RNF115: variants seen among roughly 807,000 people sequenced by gnomAD.
RNF115 encodes the protein E3 ubiquitin-protein ligase RNF115.
In RNF115, 31 loss-of-function variants were observed where a neutral mutation model predicts 39.2. The ratio of observed to expected loss-of-function variants is 0.79; its 90% CI spans 0.59 to 1.07. The LOEUF (loss-of-function observed/expected upper bound fraction) is 1.07, where lower values mean the gene tolerates loss of function less well. Ranked by LOEUF, RNF115 falls within the 50% of genes least tolerant of loss-of-function variation. RNF115 has a pLI of 0.00. For synonymous variants in RNF115, 124 were observed against 131.0 expected, an observed-to-expected ratio of 0.95 and a Z score of 0.37; for missense variants, 384 against 381.7, an observed-to-expected ratio of 1.01 and a Z score of -0.05.
chr1:145,752,157 TAATTTCTCAG>T (rs1247886636), intron 5 of RNF115, among the ~76,000 whole-genome samples: 2 of 152,142 alleles, frequency 1.3e-5, no homozygotes, highest in Non-Finnish European at 2.9e-5. Flanking sequence ...AAGCAGCAAA[TAATTTCTCAG>T]ACAAGAAGAA....
At position 145,824,092 on chromosome 1, in the gene RNF115, A is replaced by G. The variant is rs903882829; in HGVS notation, c.-219T>C. The stretch of plus-strand genomic sequence containing the variant: ...AGCACCAAAGAGGCGCAGGAAGGAG[A>G]GACAAACGGCCCGCCCGCCGGCTCC... On this transcript the variant is annotated 5_prime_UTR_variant, in exon 1 of 9. Transcript: ENST00000582693. 5.0e-5 allele frequency: 23 copies of G among 462,932 alleles called. No homozygotes were observed. In the East Asian group the frequency reaches 8.3e-4, roughly 17 times the overall value. The allele number at this position is 462,932 out of a possible 1,614,324, so 28.7% of individuals were successfully genotyped here.
At position 145,750,698 on chromosome 1, in the gene RNF115, G is replaced by A. The variant is rs587614880; in HGVS notation, c.574-198C>T. 3.9e-5 allele frequency among the ~76,000 whole-genome samples: 6 copies of A among 152,272 alleles called. No individual in the cohort carries two copies. In the East Asian group the frequency reaches 5.8e-4, roughly 15 times the overall value. ...AATTGCTTTACAATTTCAGAGTGAC[G>A]TTCGTATAAGCCTACAGACAAACCC... On this transcript the variant is annotated intron_variant, in intron 6 of 8. Transcript: ENST00000582693.
intron 7 of RNF115, among the ~76,000 whole-genome samples, chr1:145,749,022 A>G (rs1406058000): frequency 2.0e-5 from 3 of 152,218 alleles, no homozygotes; most frequent in African/African-American, 7.2e-5. Flanking sequence ...ATCAAGAGAC[A>G]GAAAGCCCTC....
At chr1:145,762,285 G>A (rs782733029) in intron 4 of RNF115, among the ~76,000 whole-genome samples, 4 of 152,302 alleles carry the variant, frequency 2.6e-5, no homozygotes, top group South Asian at 4.1e-4. Flanking sequence ...GAGATTTGGA[G>A]GGGCCAGGGG....
chr1:145,778,959 C>T (rs1648000396), intron 3 of RNF115, among the ~76,000 whole-genome samples: 1 of 152,132 alleles, frequency 6.6e-6, no homozygotes, highest in South Asian at 2.1e-4. Context: ...CTTAGGATGT[C>T]CATTTGACCA....
chr1:145,809,297 C>T (rs1276367293), intron 1 of RNF115, among the ~76,000 whole-genome samples: 3 of 151,252 alleles, frequency 2.0e-5, no homozygotes, highest in African/African-American at 2.4e-5. Flanking sequence ...AGTGGTTATC[C>T]TCCCTCAGCC....
At position 145,745,149 on chromosome 1, in the gene RNF115, C is replaced by T. The variant is rs1316326667; in HGVS notation, c.*1717G>A. 6.6e-6 allele frequency: 1 copy of T among 152,078 alleles called. No homozygotes were observed. Among genetic ancestry groups the T allele is most frequent in the Non-Finnish European group, 1.5e-5 (1 of 68,016 alleles). 9.4% of individuals were successfully genotyped at this position (152,078 alleles called of 1,614,324 possible). The stretch of plus-strand genomic sequence containing the variant: ...ACTTACTGTCTCTATTTCTGTGAGG[C>T]AAATTATTTTAAGATTACTAGGAAA... On this transcript the variant is annotated 3_prime_UTR_variant, in exon 9 of 9. Coordinates refer to ENST00000582693, the MANE Select transcript of RNF115 (RefSeq NM_014455.4).
intron 1 of RNF115, 58 bp downstream of exon 1, chr1:145,823,714 G>C (rs144773990): frequency 1.5e-6 from 2 of 1,328,856 alleles, no homozygotes; most frequent in South Asian, 2.6e-5. Context: ...CCCAGTTCCG[G>C]GAAATCGGGG....
rs587725861 is a variant in RNF115 at position 145,802,168 on chromosome 1, G to C, written c.103-13202C>G. 3.3e-5 allele frequency among the ~76,000 whole-genome samples: 5 copies of C among 152,204 alleles called. No homozygotes were observed. In the South Asian group the frequency reaches 1.0e-3, roughly 32 times the overall value. Reference sequence around the variant, plus strand: ...ACTTACCTAGAATCACTGGAAACAGGAACCCAACTGTTTCCACCAAACTAA... The same window carrying C: ...ACTTACCTAGAATCACTGGAAACAGCAACCCAACTGTTTCCACCAAACTAA... On this transcript the variant is annotated intron_variant, in intron 1 of 8. Transcript: ENST00000582693.
chr1:145,823,687 G>A (rs1461617119), intron 1 of RNF115, 85 bp downstream of exon 1: 19 of 1,088,304 alleles, frequency 1.7e-5, no homozygotes, highest in Admixed American at 2.5e-5. Context: ...AGTCAATGAT[G>A]TGCAGAAAGC....
intron 2 of RNF115, among the ~76,000 whole-genome samples, chr1:145,784,818 T>G (rs1648305007): frequency 6.6e-6 from 1 of 151,968 alleles, no homozygotes; most frequent in African/African-American, 2.4e-5. Context: ...CTAAATCCAG[T>G]GAAAAATTGG....
chr1:145,764,703 G>C (rs1418596671), intron 4 of RNF115, among the ~76,000 whole-genome samples: 5 of 151,786 alleles, frequency 3.3e-5, no homozygotes, highest in African/African-American at 1.2e-4. Context: ...GGTCCGGGAG[G>C]GAGGTGGGGG....
chr1:145,814,743 T>C (rs1291034592), intron 1 of RNF115, among the ~76,000 whole-genome samples: 4 of 152,166 alleles, frequency 2.6e-5, no homozygotes, highest in African/African-American at 9.7e-5. Flanking sequence ...TTCCCCAATA[T>C]ATACATTTAT....
chr1:145,790,192 G>T (rs782730295), intron 1 of RNF115, among the ~76,000 whole-genome samples: 12 of 152,116 alleles, frequency 7.9e-5, no homozygotes, highest in Non-Finnish European at 1.2e-4. Flanking sequence ...CCAGGCTGGA[G>T]TGCAATGGTG....
rs587730084 is a variant in RNF115, at chr1:145,774,506, C to T, written c.220-2587G>A. The stretch of plus-strand genomic sequence containing the variant: ...CTGGGATTACAGGCATGTGACACCA[C>T]GCCCCGCTAATTTTTTATATTTGCA... On this transcript the variant is annotated intron_variant, in intron 3 of 8. Transcript: ENST00000582693. 1.2e-3 allele frequency among the ~76,000 whole-genome samples: 190 copies of T among 152,126 alleles called. 1 individual carries two copies. Among genetic ancestry groups the T allele is most frequent in the African/African-American group, 4.4e-3 (182 of 41,492 alleles).
At chr1:145,747,950 T>C in intron 8 of RNF115, 45 bp downstream of exon 8, 1 of 1,251,554 alleles carries the variant, frequency 8.0e-7, no homozygotes, top group Non-Finnish European at 1.2e-6. Flanking sequence ...ACTATACCTT[T>C]ACTCTGAATC....
intron 4 of RNF115, 22 bp downstream of exon 4, chr1:145,771,688 GA>G: frequency 6.3e-7 from 1 of 1,593,638 alleles, no homozygotes. Context: ...ACCTTAAAAA[GA>G]ACTTAAAATA....
At position 145,746,409 on chromosome 1, in the gene RNF115, T is replaced by G. The variant is rs1367808364; in HGVS notation, c.*457A>C. 6.5e-6 allele frequency: 1 copy of G among 152,694 alleles called. No homozygotes were observed. Among genetic ancestry groups the G allele is most frequent in the East Asian group, 1.9e-4 (1 of 5,180 alleles). The allele number at this position is 152,694 out of a possible 1,614,324, so 9.5% of individuals were successfully genotyped here. On this transcript the variant is annotated 3_prime_UTR_variant, in exon 9 of 9. Coordinates refer to ENST00000582693, the MANE Select transcript of RNF115 (RefSeq NM_014455.4). ...AGCTAATGTGATCAAGAGTAGTTTT[T>G]TTTTTTTTTAAATACAATTAAGACA... is the stretch of plus-strand genomic sequence containing the variant.
chr1:145,789,003 A>G, intron 1 of RNF115, 37 bp from the exon 2 acceptor site: 1 of 1,337,116 alleles, frequency 7.5e-7, no homozygotes. Context: ...AAACTTTTTC[A>G]TTAGAAAGCT....
Sources: gnomAD v4.1 joint callset for allele counts (sites outside exome capture counted in the v4.1 genomes callset) on GRCh38, gnomAD v4.1.1 for gene constraint, MANE v1.5 for transcripts, NCBI Gene and HGNC (gene_info 2026-07-23, HGNC 2026-07-21) for gene names.